TTN: variants seen among roughly 807,000 people sequenced by gnomAD.
The protein encoded by TTN is titin, also known as connectin.
A neutral mutation model predicts 3,223.0 loss-of-function variants in TTN; 1,525 were observed. That is an observed-to-expected ratio of 0.47 (90% CI 0.45 to 0.49). TTN has a LOEUF of 0.49. Among genes scored for constraint, TTN ranks in the 20% least tolerant of loss-of-function variants. The pLI is 0.00. For synonymous variants in TTN, 14,094 were observed against 15,161.0 expected (o/e 0.93, Z 5.17); for missense variants, 40,786 against 43,424.0 (o/e 0.94, Z 5.40).
Position 178,677,867 on chromosome 2 carries a change from C to T in TTN, c.34045G>A (p.Glu11349Lys), listed in dbSNP as rs796950594. The change falls in exon 146 of 363, where the codon GAG (glutamate) becomes AAG (lysine). Residue 11349 changes from glutamate (E) to lysine (K), a missense_variant. Coordinates refer to ENST00000589042, the MANE Select transcript of TTN (RefSeq NM_001267550.2). Reference protein sequence around the residue: ...VPVPVALPQEEEVLFEEEIVP... With the variant: ...VPVPVALPQEKEVLFEEEIVP... Reference sequence around the variant, plus strand: ...ATTTCTTCTTCAAATAGAACTTCCTCTTCCTGAGGTAGAGCTACAGGAACT... The same window carrying T: ...ATTTCTTCTTCAAATAGAACTTCCTTTTCCTGAGGTAGAGCTACAGGAACT... The T allele has an allele frequency of 6.2e-6, 10 of 1,612,164 alleles. No homozygotes were observed. Among genetic ancestry groups the T allele is most frequent in the Non-Finnish European group, 8.5e-6 (10 of 1,179,140 alleles).
At position 178,699,391 on chromosome 2, in the gene TTN, T is replaced by A. The variant is rs867230031; in HGVS notation, c.30683-477A>T. ...CATGAATAAATAACACTCTTTTTTT[T>A]TTTTTTTTTTTTTTTTTTTTTTTTT... is the stretch of plus-strand genomic sequence containing the variant. On this transcript the variant is annotated intron_variant, in intron 111 of 362. Transcript: ENST00000589042. 4.4e-3 allele frequency among the ~76,000 whole-genome samples: 74 copies of A among 16,696 alleles called. No individual in the cohort carries two copies. In the South Asian group the frequency reaches 0.099, roughly 22 times the overall value. 11.0% of individuals were successfully genotyped at this position (16,696 alleles called of 152,430 possible).
At chr2:178,595,945 T>A in intron 294 of TTN, 136 bp from the exon 295 acceptor site, 1 of 829,136 alleles carries the variant, frequency 1.2e-6, no homozygotes, top group Non-Finnish European at 1.8e-6. Context: ...GAGTTAGTTT[T>A]TCCTTCTGCT....
rs746964527 is a variant in TTN, at chr2:178,537,801, T to C, written c.99406A>G (p.Arg33136Gly). Residue 33136 changes from arginine to glycine, a missense_variant, in exon 355 of 363, where the codon AGA becomes GGA. Transcript: ENST00000589042. ...CTTTGTATGAGCTCTTTACCAAATC[T>C]GTACCATTTAATGTCAGGAAGAGGC... ...GRPLPDIKWY[R>G]FGKELIQSRK... is the part of the protein sequence containing the mutation. 10 of 1,613,660 alleles carry C rather than the reference T, an allele frequency of 6.2e-6. No homozygotes were observed. The highest frequency in any genetic ancestry group is 7.6e-6 in the Non-Finnish European group (9 of 1,179,780).
Position 178,730,129 on chromosome 2 carries a change from C to T in TTN, c.18271G>A (p.Gly6091Ser), listed in dbSNP as rs890606784. Residue 6091 changes from glycine to serine, a missense_variant, in exon 62 of 363, where the codon GGC becomes AGC. Coordinates refer to ENST00000589042, the MANE Select transcript of TTN (RefSeq NM_001267550.2). ...TYICQLSNDV[G>S]TATSKATLFV... ...AGAGTGGCTTTGCTGGTTGCTGTGC[C>T]AACATCATTGCTTAGTTGGCAAATG... 2 of 1,613,000 alleles carry T rather than the reference C, an allele frequency of 1.2e-6. No homozygotes were observed. The highest frequency in any genetic ancestry group is 2.7e-5 in the African/African-American group (2 of 74,876).
At chr2:178,772,593 T>C (rs1339269678) in intron 33 of TTN, among the ~76,000 whole-genome samples, 1 of 152,098 alleles carries the variant, frequency 6.6e-6, no homozygotes, top group African/African-American at 2.4e-5. Flanking sequence ...CATTAAAAAG[T>C]AGGAAGAAAA....
In TTN at chr2:178,673,641, G is replaced by A. The variant is rs199975096; in HGVS notation, c.34778C>T (p.Pro11593Leu). 24 of 1,593,728 alleles carry A rather than the reference G, an allele frequency of 1.5e-5. No individual in the cohort carries two copies. The highest frequency in any genetic ancestry group is 1.1e-5 in the Non-Finnish European group (13 of 1,172,086). ...TPVPKKVEAP[P>L]AKVSKKIPEE... ...ATGAGGATTTGATATACCTTTAGCT[G>A]GTGGTGCCTCCACTTTTTTAGGAAC... The change falls in exon 152 of 363, where the codon CCA (proline) becomes CTA (leucine). Residue 11593 changes from proline (P) to leucine (L), a missense_variant. Physicochemically the swap from Pro to Leu is moderately conservative, Grantham distance 98. Transcript: ENST00000589042.
Position 178,708,119 on chromosome 2 carries a change from T to C in TTN, c.28754-306A>G, listed in dbSNP as rs114096841. 6.5e-3 allele frequency among the ~76,000 whole-genome samples: 987 copies of C among 152,298 alleles called. 10 individuals are homozygous for C. Among genetic ancestry groups the C allele is most frequent in the African/African-American group, 0.023 (952 of 41,572 alleles). ...AGTTACTATGAACTTCTTTGCCATA[T>C]AGCACACTATTAATTCTCTCAAACC... is the stretch of plus-strand genomic sequence containing the variant. On this transcript the variant is annotated intron_variant, in intron 99 of 362. Transcript: ENST00000589042.
Position 178,582,804 on chromosome 2 carries a change from C to T in TTN, c.65863+136G>A, listed in dbSNP as rs1187568920. The T allele has an allele frequency of 6.3e-6, 6 of 947,902 alleles. No homozygotes were observed. In the African/African-American group the frequency reaches 1.0e-4, roughly 16 times the overall value. The allele number at this position is 947,902 out of a possible 1,614,324, so 58.7% of individuals were successfully genotyped here. A position where few individuals can be genotyped will look rare whatever the true frequency, so the allele number is the denominator to read the frequency against. On this transcript the variant is annotated intron_variant, in intron 313 of 362. Coordinates refer to ENST00000589042, the MANE Select transcript of TTN (RefSeq NM_001267550.2). ...CTCTTTTTAACTCTAAAACGTGGTT[C>T]TGTCATAAGAATAATTCTGTGCATA... is the stretch of plus-strand genomic sequence containing the variant.
rs768268605 is a variant in TTN, at chr2:178,609,521, A to G, written c.51789T>C (p.Asp17263=). The G allele has an allele frequency of 3.1e-6, 5 of 1,612,508 alleles. No homozygotes were observed. Among genetic ancestry groups the G allele is most frequent in the South Asian group, 1.1e-5 (1 of 90,964 alleles). Residue 17263 remains aspartate (D), a synonymous_variant, in exon 273 of 363, where the codon GAT becomes GAC. Coordinates refer to ENST00000589042, the MANE Select transcript of TTN (RefSeq NM_001267550.2). The stretch of plus-strand genomic sequence containing the variant: ...AAATACTTGCATCAAGTGCTATTTC[A>G]TCACCTCGTTTCACTTCTAGGCTTG... ...LRTSLEVKRG[D]EIALDASISG...
chr2:178,628,760 G>C (rs2059401527), intron 240 of TTN: 1 of 152,260 alleles, frequency 6.6e-6, no homozygotes, highest in African/African-American at 2.4e-5. Flanking sequence ...TTGCATTCCA[G>C]ATATCGCACA....
rs371768793 is a variant in TTN, at chr2:178,561,768, C to T, written c.84364G>A (p.Gly28122Arg). ...TSIKIVRLTT[G>R]SEYQFRVCAE... ...CAAACACGGAACTGATACTCACTTC[C>T]TGTTGTCAGGCGAACTATTTTAATG... Residue 28122 changes from glycine to arginine, a missense_variant, in exon 326 of 363, where the codon GGA (glycine) becomes AGA (arginine). Gly to Arg is a moderately radical substitution (Grantham distance 125, BLOSUM62 -2). Coordinates refer to ENST00000589042, the MANE Select transcript of TTN (RefSeq NM_001267550.2). 6.2e-7 allele frequency: 1 copy of T among 1,613,638 alleles called. No homozygotes were observed. Among genetic ancestry groups the T allele is most frequent in the South Asian group, 1.1e-5 (1 of 91,072 alleles).
chr2:178,707,591 T>A lies in TTN; in HGVS notation c.28976A>T (p.Asp9659Val). 3 of 1,613,860 alleles carry A rather than the reference T, an allele frequency of 1.9e-6. No individual in the cohort carries two copies. The highest frequency in any genetic ancestry group is 1.7e-6 in the Non-Finnish European group (2 of 1,179,818). ...LRDVAKADSG[D>V]YVCKASNVAG... ...CACATTTGAAGCTTTACACACATAA[T>A]CTCCCGAATCTGCTTTAGCCACATC... Residue 9659 changes from aspartate (D) to valine (V), a missense_variant, in exon 100 of 363, where the codon GAT becomes GTT. Transcript: ENST00000589042.
chr2:178,683,901 T>C (rs1435843234), intron 133 of TTN, 98 bp downstream of exon 133: 3 of 860,112 alleles, frequency 3.5e-6, no homozygotes, highest in African/African-American at 3.5e-5. Flanking sequence ...TACTTTATAC[T>C]ATGTCTTTTT....
At position 178,567,404 on chromosome 2, in the gene TTN, T is replaced by A. The variant is rs763231010; in HGVS notation, c.78728A>T (p.Lys26243Met). Residue 26243 changes from lysine to methionine, a missense_variant, in exon 326 of 363, where the codon AAG becomes ATG. Coordinates refer to ENST00000589042, the MANE Select transcript of TTN (RefSeq NM_001267550.2). The part of the protein sequence containing the change: ...EIEESARCEI[K>M]NTDFKALLIV... ...AAGTAAAGCCTTGAAATCTGTGTTC[T>A]TTATTTCACATCTAGCAGATTCTTC... 6.2e-7 allele frequency: 1 copy of A among 1,603,464 alleles called. No homozygotes were observed. Among genetic ancestry groups the A allele is most frequent in the Admixed American group, 1.7e-5 (1 of 58,278 alleles).
At chr2:178,599,123 T>A (rs775673357) in intron 290 of TTN, 23 bp downstream of exon 290, 1 of 1,508,960 alleles carries the variant, frequency 6.6e-7, no homozygotes. Context: ...TGGCTTTGTA[T>A]GTGAAAATGT....
At position 178,599,146 on chromosome 2, in the gene TTN, A is replaced by C; in HGVS notation, c.56647T>G (p.Ser18883Ala). Reference protein sequence around the residue: ...SEPETARNLFSVPGAPDKPTV... With the variant: ...SEPETARNLFAVPGAPDKPTV... ...TATGTGAAAATGTTCTCCTACTTACAGAAGAGGTTTCTTGCTGTTTCAGGT... is the reference window on the plus strand; with the variant it reads ...TATGTGAAAATGTTCTCCTACTTACCGAAGAGGTTTCTTGCTGTTTCAGGT... The change falls in exon 290 of 363, where the codon TCT (serine) becomes GCT (alanine). Residue 18883 changes from serine (S) to alanine (A), a missense_variant and splice_region_variant. Coordinates refer to ENST00000589042, the MANE Select transcript of TTN (RefSeq NM_001267550.2). 1 of 1,509,484 alleles carries C rather than the reference A, an allele frequency of 6.6e-7. No homozygotes were observed. Among genetic ancestry groups the C allele is most frequent in the Non-Finnish European group, 8.8e-7 (1 of 1,132,888 alleles). 93.5% of individuals were successfully genotyped at this position (1,509,484 alleles called of 1,614,324 possible).
At position 178,582,434 on chromosome 2, in the gene TTN, CAG is replaced by C. The variant is rs2154178179; in HGVS notation, c.66020_66021del (p.Ser22007CysfsTer18). 1 of 1,612,950 alleles carries C rather than the reference CAG, an allele frequency of 6.2e-7. No individual in the cohort carries two copies. The highest frequency in any genetic ancestry group is 8.5e-7 in the Non-Finnish European group (1 of 1,179,384). ...CTGCAGCTGGTGATAGGCACAGTTG[CAG>C]AGACTTGAGCCCAGTTGGGCCTGCT... ...ETSRPNWAQV[S>X]ATVPITSCSV... On this transcript the variant is annotated frameshift_variant, in exon 314 of 363. Coordinates refer to ENST00000589042, the MANE Select transcript of TTN (RefSeq NM_001267550.2). LOFTEE classifies it high-confidence loss of function.
Position 178,546,991 on chromosome 2 carries a change from T to C in TTN, c.94522+12A>G, listed in dbSNP as rs1697493208. The C allele has an allele frequency of 6.2e-7, 1 of 1,601,900 alleles. No homozygotes were observed. The highest frequency in any genetic ancestry group is 1.3e-5 in the African/African-American group (1 of 74,576). On this transcript the variant is annotated intron_variant, in intron 340 of 362. Coordinates refer to ENST00000589042, the MANE Select transcript of TTN (RefSeq NM_001267550.2). ...ATAATAAACAAATATGCCCTTAAAT[T>C]GTGATACATACCAACTGGATTTTGA...
chr2:178,720,457 C>A lies in TTN; in HGVS notation c.23305G>T (p.Val7769Phe). 6.2e-7 allele frequency: 1 copy of A among 1,613,734 alleles called. No homozygotes were observed. Among genetic ancestry groups the A allele is most frequent in the East Asian group, 2.2e-5 (1 of 44,870 alleles). The change falls in exon 80 of 363, where the codon GTC becomes TTC. Residue 7769 changes from valine (V) to phenylalanine (F), a missense_variant. By Grantham distance (50) the Val-to-Phe change is conservative. Transcript: ENST00000589042. ...LHILNLEASDVGEYHCKATNE... is the reference protein window; with the variant it reads ...LHILNLEASDFGEYHCKATNE... ...GTAGCTTTGCAGTGATATTCCCCGA[C>A]ATCGGAGGCTTCAAGATTAAGGATA...
Sources: gnomAD v4.1 joint callset for allele counts (sites outside exome capture counted in the v4.1 genomes callset) on GRCh38, gnomAD v4.1.1 for gene constraint, MANE v1.5 for transcripts, NCBI Gene and HGNC (gene_info 2026-07-23, HGNC 2026-07-21) for gene names.